The following NECTIN1 variants were observed in gnomAD, a reference collection of about 807,000 sequenced individuals.
NECTIN1 encodes nectin-1.
NECTIN1 carries 23 observed loss-of-function variants against 48.0 expected under a neutral mutation model. The observed-to-expected ratio is 0.48, with a 90% CI of 0.34 to 0.68. The LOEUF (loss-of-function observed/expected upper bound fraction) is 0.68, where lower values mean the gene tolerates loss of function less well. NECTIN1 is among the 30% of genes least tolerant of loss of function. The pLI, the probability that NECTIN1 is intolerant of heterozygous loss-of-function variation, is 0.01. For missense variants in NECTIN1, 591 were observed against 709.9 expected, an observed-to-expected ratio of 0.83 and a Z score of 1.90; for synonymous variants, 270 against 288.9, an observed-to-expected ratio of 0.93 and a Z score of 0.66.
intron 1 of NECTIN1, among the ~76,000 whole-genome samples, chr11:119,710,357 TC>T (rs1865621498): frequency 6.6e-6 from 1 of 152,184 alleles, no homozygotes; most frequent in South Asian, 2.1e-4. Flanking sequence ...AGCAATTTAT[TC>T]TCATTTATTT....
intron 5 of NECTIN1, among the ~76,000 whole-genome samples, chr11:119,643,560 C>A (rs1042289198): frequency 2.0e-5 from 3 of 152,184 alleles, no homozygotes; most frequent in African/African-American, 7.2e-5. Context: ...CCCTTTTCAT[C>A]CCTTATCAGA....
Position 119,664,984 on chromosome 11 carries a change from C to CTCCTCCTCA in NECTIN1, c.1308_1316dup (p.Glu438_Glu439insAspGluGlu). 1 of 1,613,836 alleles carries CTCCTCCTCA rather than the reference C, an allele frequency of 6.2e-7. No individual in the cohort carries two copies. Among genetic ancestry groups the CTCCTCCTCA allele is most frequent in the Non-Finnish European group, 8.5e-7 (1 of 1,179,910 alleles). ...CTCCACCGCCCTCCTCCTCCTCCTC[C>CTCCTCCTCA]TCCTCCTCATAGCTGCTTCCACCCA... is the stretch of plus-strand genomic sequence containing the variant. On this transcript the variant is annotated inframe_insertion, in exon 6 of 6. Coordinates refer to ENST00000264025, the MANE Select transcript of NECTIN1 (RefSeq NM_002855.5).
intron 5 of NECTIN1, chr11:119,674,724 C>T (rs768025995): frequency 6.7e-5 from 108 of 1,613,790 alleles, no homozygotes; most frequent in Non-Finnish European, 9.1e-5. Flanking sequence ...CTCCAGTCTC[C>T]CTGCTTGAGG....
At chr11:119,688,550 A>G (rs2135560050) in intron 1 of NECTIN1, among the ~76,000 whole-genome samples, 1 of 152,216 alleles carries the variant, frequency 6.6e-6, no homozygotes, top group East Asian at 1.9e-4. Flanking sequence ...CAAAATAACC[A>G]CAGACATTGC....
At chr11:119,726,849 T>C (rs1297322943) in intron 1 of NECTIN1, among the ~76,000 whole-genome samples, 2 of 151,942 alleles carry the variant, frequency 1.3e-5, no homozygotes, top group East Asian at 3.9e-4. Context: ...AATTGAAGGG[T>C]TCCTGGAAGC....
In NECTIN1 at chr11:119,661,884, TGA is replaced by T. The variant is rs1864672870; in HGVS notation, c.*2861_*2862del. 2.0e-6 allele frequency: 2 copies of T among 985,298 alleles called. No individual in the cohort carries two copies. The highest frequency in any genetic ancestry group is 4.7e-5 in the South Asian group (1 of 21,274). 61.0% of individuals were successfully genotyped at this position (985,298 alleles called of 1,614,324 possible). A position where few individuals can be genotyped will look rare whatever the true frequency, so the allele number is the denominator to read the frequency against. ...CCTGCGCGTGGGTGTGTTGGAGGTG[TGA>T]GTGTGTCCACTGTGGGCACACGTAC... On this transcript the variant is annotated 3_prime_UTR_variant, in exon 6 of 6. Coordinates refer to ENST00000264025, the MANE Select transcript of NECTIN1 (RefSeq NM_002855.5).
chr11:119,647,685 A>G (rs533134533), intron 5 of NECTIN1, among the ~76,000 whole-genome samples: 1 of 152,280 alleles, frequency 6.6e-6, no homozygotes, highest in African/African-American at 2.4e-5. Context: ...GCAAAAGCAC[A>G]AAGTGTAGTG....
chr11:119,639,727 G>T, intron 6 of NECTIN1: 12 of 1,164,448 alleles, frequency 1.0e-5, no homozygotes, highest in Non-Finnish European at 1.4e-5. Flanking sequence ...CAAAGGGTTA[G>T]TTCCTGGTCC....
Position 119,672,522 on chromosome 11 carries a change from C to T in NECTIN1, c.1003+2637G>A, listed in dbSNP as rs866903710. ...CGGTCCATCTCCTCGGTGCCCCCAT[C>T]GCCACAGCCACAGCCTGGGCCTGTT... On this transcript the variant is annotated intron_variant, in intron 5 of 5. Coordinates refer to ENST00000264025, the MANE Select transcript of NECTIN1 (RefSeq NM_002855.5). The surrounding 1 kb of genome is among the most constrained non-coding windows in gnomAD (Gnocchi z 4.3). Among the ~76,000 whole-genome samples the T allele has an allele frequency of 3.3e-4, 51 of 152,296 alleles. No homozygotes were observed. In the Middle Eastern group the frequency reaches 0.01, roughly 30 times the overall value.
At chr11:119,667,908 T>C (rs964526070) in intron 5 of NECTIN1, among the ~76,000 whole-genome samples, 1 of 152,156 alleles carries the variant, frequency 6.6e-6, no homozygotes, top group Non-Finnish European at 1.5e-5. Context: ...TCTCAAACCA[T>C]TGGCTCAAAG....
At chr11:119,698,775 A>C (rs1865386505) in intron 1 of NECTIN1, among the ~76,000 whole-genome samples, 1 of 152,198 alleles carries the variant, frequency 6.6e-6, no homozygotes, top group Non-Finnish European at 1.5e-5. Flanking sequence ...CCTGACACAG[A>C]ATAATTGCTC....
At chr11:119,658,277 TTGAC>T (rs1306280699), downstream of NECTIN1, among the ~76,000 whole-genome samples, 7 of 152,120 alleles carry the variant, frequency 4.6e-5, no homozygotes, top group Non-Finnish European at 1.0e-4. Context: ...GGTGAGGACA[TTGAC>T]TGCAGCGCCT....
rs555076723 is a variant in NECTIN1, at chr11:119,654,470, C to T, written c.1004-14458G>A. Among the ~76,000 whole-genome samples, 16 of 152,316 alleles carry T rather than the reference C, an allele frequency of 1.1e-4. No homozygotes were observed. In the East Asian group the frequency reaches 3.1e-3, roughly 29 times the overall value. On this transcript the variant is annotated intron_variant, in intron 5 of 7. Coordinates refer to the NECTIN1 transcript ENST00000341398. ...TTCCTCACCCCTCCACCCCCATTCCCTGCTGGTCAGACCAGTTCCAGGGAT... is the reference window on the plus strand; with the variant it reads ...TTCCTCACCCCTCCACCCCCATTCCTTGCTGGTCAGACCAGTTCCAGGGAT...
chr11:119,705,586 C>G (rs533686515), intron 1 of NECTIN1, among the ~76,000 whole-genome samples: 1 of 152,146 alleles, frequency 6.6e-6, no homozygotes, highest in Non-Finnish European at 1.5e-5. Context: ...TAACTGTGGC[C>G]GGTGTAGCTA....
rs1865965303 is a variant in NECTIN1 at position 119,728,792 on chromosome 11, A to C, written c.-239T>G. ...ATGCCCGCCGCAAGTTGCACGAGTCATGCCCCTTCGCCTCCTCCGCTCTCC... is the reference window on the plus strand; with the variant it reads ...ATGCCCGCCGCAAGTTGCACGAGTCCTGCCCCTTCGCCTCCTCCGCTCTCC... On this transcript the variant is annotated 5_prime_UTR_variant, in exon 1 of 6. The change abolishes an upstream ATG in the 5' untranslated region. Coordinates refer to ENST00000264025, the MANE Select transcript of NECTIN1 (RefSeq NM_002855.5). 2.4e-6 allele frequency: 1 copy of C among 419,370 alleles called. No homozygotes were observed. Among genetic ancestry groups the C allele is most frequent in the African/African-American group, 2.1e-5 (1 of 47,952 alleles). 26.0% of individuals were successfully genotyped at this position (419,370 alleles called of 1,614,324 possible).
intron 1 of NECTIN1, among the ~76,000 whole-genome samples, chr11:119,718,490 G>A (rs1418330748): frequency 6.6e-6 from 1 of 152,156 alleles, no homozygotes; most frequent in Non-Finnish European, 1.5e-5. Flanking sequence ...CCATCTTTTG[G>A]GATCTCTGGG....
intron 1 of NECTIN1, among the ~76,000 whole-genome samples, chr11:119,705,654 G>A (rs1200122399): frequency 6.6e-6 from 1 of 152,244 alleles, no homozygotes; most frequent in Non-Finnish European, 1.5e-5. Context: ...CATGCTGTTG[G>A]AGGCCACGAG....
rs891338563 is a variant in NECTIN1, at chr11:119,661,632, G to A, written c.*3115C>T. The A allele has an allele frequency of 2.0e-6, 2 of 985,790 alleles. No individual in the cohort carries two copies. Among genetic ancestry groups the A allele is most frequent in the African/African-American group, 1.7e-5 (1 of 57,236 alleles). 61.1% of individuals were successfully genotyped at this position (985,790 alleles called of 1,614,324 possible). A position where few individuals can be genotyped will look rare whatever the true frequency, so the allele number is the denominator to read the frequency against. On this transcript the variant is annotated 3_prime_UTR_variant, in exon 6 of 6. Transcript: ENST00000264025. ...TTCCCAATTTCTCTGCTCTGAGGAA[G>A]GCAGAAAAGTTATTGCACCAGTGAC...
intron 1 of NECTIN1, among the ~76,000 whole-genome samples, chr11:119,723,238 A>T (rs924521732): frequency 6.6e-6 from 1 of 151,612 alleles, no homozygotes; most frequent in Non-Finnish European, 1.5e-5. Context: ...AAAAAAAAAA[A>T]AAAGGGAAAA....
Sources: gnomAD v4.1 joint callset for allele counts (sites outside exome capture counted in the v4.1 genomes callset) on GRCh38, gnomAD v4.1.1 for gene constraint, Gnocchi (gnomAD v3.1) non-coding constraint, MANE v1.5 for transcripts, NCBI Gene and HGNC (gene_info 2026-07-23, HGNC 2026-07-21) for gene names.